Variants in GREB1L observed in about 807,000 individuals in gnomAD.
GREB1L encodes GREB1-like protein.
In GREB1L, 17 loss-of-function variants were observed where a neutral mutation model predicts 200.8. The observed-to-expected ratio is 0.08, with a 90% CI of 0.06 to 0.13. GREB1L has a LOEUF of 0.13. Ranked by LOEUF, GREB1L falls within the 10% of genes least tolerant of loss-of-function variation. The pLI is 1.00. For missense variants in GREB1L, 1,657 were observed against 2,367.7 expected, an observed-to-expected ratio of 0.70 and a Z score of 6.23; for synonymous variants, 789 against 893.0, an observed-to-expected ratio of 0.88 and a Z score of 2.08.
At chr18:21,306,130 A>G (rs1189419840) in intron 1 of GREB1L, among the ~76,000 whole-genome samples, 1 of 152,196 alleles carries the variant, frequency 6.6e-6, no homozygotes, top group Admixed American at 6.5e-5. Flanking sequence ...AGAATTATGC[A>G]CCATGAGGGT....
chr18:21,518,373 A>G, intron 31 of GREB1L, 139 bp downstream of exon 31: 1 of 784,826 alleles, frequency 1.3e-6, no homozygotes, highest in Non-Finnish European at 2.0e-6. Context: ...ACTTTTATTA[A>G]AGATAGTAAT....
At chr18:21,374,350 C>T (rs1465783904) in intron 2 of GREB1L, among the ~76,000 whole-genome samples, 1 of 152,138 alleles carries the variant, frequency 6.6e-6, no homozygotes, top group Admixed American at 6.5e-5. Flanking sequence ...ATGTTCGAGG[C>T]TCATCTGGAG....
At chr18:21,422,353 T>C (rs1312837302) in intron 7 of GREB1L, among the ~76,000 whole-genome samples, 1 of 152,218 alleles carries the variant, frequency 6.6e-6, no homozygotes, top group South Asian at 2.1e-4. Flanking sequence ...CGTGTGTATA[T>C]ACATACATAT....
intron 1 of GREB1L, among the ~76,000 whole-genome samples, chr18:21,276,209 CCTT>C (rs769018108): frequency 2.0e-5 from 3 of 152,222 alleles, no homozygotes; most frequent in South Asian, 2.1e-4. Flanking sequence ...ACCCTGATGA[CCTT>C]CTTCTGCGAC....
chr18:21,336,963 A>G (rs552505954), intron 1 of GREB1L, among the ~76,000 whole-genome samples: 6 of 150,642 alleles, frequency 4.0e-5, no homozygotes, highest in Non-Finnish European at 8.8e-5. Context: ...TTAGTATTCA[A>G]TAATGTGATT....
chr18:21,323,362 T>TCTGTA (rs1598658208), intron 1 of GREB1L, among the ~76,000 whole-genome samples: 1 of 152,162 alleles, frequency 6.6e-6, no homozygotes, highest in East Asian at 1.9e-4. Flanking sequence ...GAAAAATATT[T>TCTGTA]GTAACTGATA....
chr18:21,302,296 G>T lies in GREB1L; in HGVS notation c.-120+59903G>T, dbSNP rs567867571. ...GTATGCTTTTTTGGAGGAGGTGGGGGTTCCACATTCAGAGGATTTTAATTA... is the reference window on the plus strand; with the variant it reads ...GTATGCTTTTTTGGAGGAGGTGGGGTTTCCACATTCAGAGGATTTTAATTA... On this transcript the variant is annotated intron_variant, in intron 1 of 32. Coordinates refer to ENST00000424526, the MANE Select transcript of GREB1L (RefSeq NM_001142966.3). 1.2e-4 allele frequency among the ~76,000 whole-genome samples: 19 copies of T among 152,258 alleles called. 2 individuals carry two copies. The South Asian group carries it at 3.9e-3, about 32-fold the overall frequency.
At chr18:21,413,624 C>G (rs550996388) in intron 7 of GREB1L, among the ~76,000 whole-genome samples, 1 of 152,144 alleles carries the variant, frequency 6.6e-6, no homozygotes, top group Admixed American at 6.6e-5. Flanking sequence ...TCTTATTCCC[C>G]TACTGCATTC....
chr18:21,362,193 A>G (rs2039590740), intron 1 of GREB1L, among the ~76,000 whole-genome samples: 1 of 152,188 alleles, frequency 6.6e-6, no homozygotes, highest in Non-Finnish European at 1.5e-5. Context: ...TATTTATGAA[A>G]GATACATTGA....
At chr18:21,422,670 AATTT>A (rs758314915) in intron 7 of GREB1L, among the ~76,000 whole-genome samples, 5 of 152,182 alleles carry the variant, frequency 3.3e-5, no homozygotes, top group Non-Finnish European at 7.3e-5. Flanking sequence ...GATATGCCAT[AATTT>A]ATTTAACCTG....
intron 12 of GREB1L, 57 bp from the exon 13 acceptor site, chr18:21,450,965 AT>A (rs1319763229): frequency 1.3e-6 from 2 of 1,507,842 alleles, no homozygotes; most frequent in Non-Finnish European, 1.8e-6. Context: ...ATTATAAGTA[AT>A]GTTCCAGCAA....
intron 1 of GREB1L, among the ~76,000 whole-genome samples, chr18:21,344,235 A>G (rs531719174): frequency 1.8e-4 from 27 of 152,262 alleles, no homozygotes; most frequent in African/African-American, 6.0e-4. Flanking sequence ...CCCCGTCTCT[A>G]TGAAAAATAC....
chr18:21,312,034 A>G (rs181501731), intron 1 of GREB1L, among the ~76,000 whole-genome samples: 2 of 151,956 alleles, frequency 1.3e-5, no homozygotes, highest in African/African-American at 4.8e-5. Context: ...CTTTGTGTCC[A>G]TGAGTTCTCA....
chr18:21,488,212 C>T (rs112950264), intron 18 of GREB1L, among the ~76,000 whole-genome samples: 370 of 152,278 alleles, frequency 2.4e-3, no homozygotes, highest in Non-Finnish European at 4.1e-3. Context: ...AGGAGAATTG[C>T]TTGAACCCGG....
At chr18:21,521,577 A>G (rs1156732969) in intron 32 of GREB1L, among the ~76,000 whole-genome samples, 1 of 151,810 alleles carries the variant, frequency 6.6e-6, no homozygotes, top group East Asian at 1.9e-4. Context: ...CTTATTGGGG[A>G]TGGGGGAGTG....
chr18:21,252,073 C>T (rs1230740594), intron 1 of GREB1L, among the ~76,000 whole-genome samples: 1 of 151,930 alleles, frequency 6.6e-6, no homozygotes, highest in East Asian at 1.9e-4. Flanking sequence ...TTCACAGAAC[C>T]ACTATTCCAA....
chr18:21,495,814 T>G, intron 20 of GREB1L, 29 bp downstream of exon 20: 1 of 1,241,748 alleles, frequency 8.1e-7, no homozygotes, highest in Non-Finnish European at 1.1e-6. Context: ...ATTCCATTTT[T>G]CATCAGTTGC....
intron 19 of GREB1L, among the ~76,000 whole-genome samples, chr18:21,491,076 C>T (rs1394560977): frequency 6.6e-6 from 1 of 152,220 alleles, no homozygotes; most frequent in Admixed American, 6.5e-5. Flanking sequence ...ACCTAACTCC[C>T]TACCTTATGC....
intron 1 of GREB1L, among the ~76,000 whole-genome samples, chr18:21,338,834 T>TA (rs2039226171): frequency 6.6e-6 from 1 of 152,250 alleles, no homozygotes; most frequent in Non-Finnish European, 1.5e-5. Flanking sequence ...TGAAAGGTTA[T>TA]AAAGGAGAGT....
Sources: gnomAD v4.1 joint callset for allele counts (sites outside exome capture counted in the v4.1 genomes callset) on GRCh38, gnomAD v4.1.1 for gene constraint, MANE v1.5 for transcripts, NCBI Gene and HGNC (gene_info 2026-07-23, HGNC 2026-07-21) for gene names.